Variants in TP63 observed in about 807,000 individuals in gnomAD.
TP63 encodes the protein tumor protein p63, also known as tumor protein 63.
Under a neutral mutation model 82.8 loss-of-function variants are expected in TP63, and 17 were observed. The ratio of observed to expected loss-of-function variants is 0.21; its 90% CI spans 0.14 to 0.31. The LOEUF (loss-of-function observed/expected upper bound fraction) is 0.31. TP63 is among the 10% of genes least tolerant of loss of function. TP63 has a pLI of 1.00. For synonymous variants in TP63, 330 were observed against 321.7 expected (o/e 1.03, Z -0.28); for missense variants, 648 against 895.3 (o/e 0.72, Z 3.52).
chr3:189,683,543 G>A (rs895821443), intron 1 of TP63, among the ~76,000 whole-genome samples: 1 of 152,154 alleles, frequency 6.6e-6, no homozygotes, highest in Non-Finnish European at 1.5e-5. Flanking sequence ...GCAGACACAG[G>A]AAACAGGAAA....
At chr3:189,806,102 CT>C (rs1726872370) in intron 3 of TP63, among the ~76,000 whole-genome samples, 1 of 121,146 alleles carries the variant, frequency 8.3e-6, no homozygotes, top group South Asian at 2.7e-4. Context: ...TTTGTAAGTC[CT>C]TGTTGAATTG....
At chr3:189,886,677 G>T in intron 11 of TP63, 126 bp downstream of exon 11, 1 of 1,364,942 alleles carries the variant, frequency 7.3e-7, no homozygotes, top group South Asian at 1.3e-5. Context: ...AGATCAAAGT[G>T]GAGTGGCTTG....
chr3:189,628,471 G>T (rs546886126), upstream of TP63, among the ~76,000 whole-genome samples: 42 of 152,222 alleles, frequency 2.8e-4, no homozygotes, highest in African/African-American at 9.9e-4. Flanking sequence ...GAAGAACAAA[G>T]TGTCCCTTTC....
chr3:189,841,747 C>T (rs1028862844), intron 4 of TP63, among the ~76,000 whole-genome samples: 3 of 152,176 alleles, frequency 2.0e-5, no homozygotes, highest in African/African-American at 7.2e-5. Context: ...TTTAAGAATT[C>T]TATACTGTGA....
At chr3:189,691,874 G>A (rs79931736) in intron 1 of TP63, among the ~76,000 whole-genome samples, 2,344 of 152,140 alleles carry the variant, frequency 0.015, 53 homozygotes, top group African/African-American at 0.054. Context: ...ATAGAATATC[G>A]TACCTAGAAC....
chr3:189,836,453 A>G (rs1713164222), intron 4 of TP63, among the ~76,000 whole-genome samples: 1 of 152,306 alleles, frequency 6.6e-6, no homozygotes, highest in South Asian at 2.1e-4. Context: ...GGTTGGGCAA[A>G]GCAAAGCGTT....
Position 189,808,141 on chromosome 3 carries a change from T to C in TP63, c.325-131T>C. 3.4e-6 allele frequency: 5 copies of C among 1,484,490 alleles called. No homozygotes were observed. The Admixed American group carries it at 8.7e-5, about 26-fold the overall frequency. 92.0% of individuals were successfully genotyped at this position (1,484,490 alleles called of 1,614,324 possible). On this transcript the variant is annotated intron_variant, in intron 3 of 13. Transcript: ENST00000264731. ...TCTGTTTACCAAAAATCAACGGTTT[T>C]ACTTTGAATGTGAAGTGCTTCCGAC...
At chr3:189,842,766 C>G (rs1489421527) in intron 4 of TP63, among the ~76,000 whole-genome samples, 2 of 152,184 alleles carry the variant, frequency 1.3e-5, no homozygotes, top group East Asian at 1.9e-4. Flanking sequence ...TCATCTCACC[C>G]TGGCCTTTTT....
At chr3:189,649,081 T>C (rs563984207) in intron 1 of TP63, among the ~76,000 whole-genome samples, 1 of 147,492 alleles carries the variant, frequency 6.8e-6, no homozygotes, top group East Asian at 2.3e-4. Flanking sequence ...CAAAAAGTTA[T>C]TCATGCTATT....
chr3:189,605,880 G>A, the TP63 span, among the ~76,000 whole-genome samples: 9 of 152,132 alleles, frequency 5.9e-5, no homozygotes, highest in African/African-American at 2.2e-4. Flanking sequence ...TTATTTACTT[G>A]GGTAAATTTG....
At position 189,890,867 on chromosome 3, in the gene TP63, G is replaced by A; in HGVS notation, c.1731G>A (p.Glu577=). ...TQGLTTIYQI[E]HYSMDDLASL... ...GGCTGACCACCATCTATCAGATTGA[G>A]CATTACTCCATGGATGTAAGTAACT... The change falls in exon 13 of 14, where the codon GAG becomes GAA. Residue 577 remains glutamate, a synonymous_variant. Coordinates refer to ENST00000264731, the MANE Select transcript of TP63 (RefSeq NM_003722.5). The A allele has an allele frequency of 1.2e-6, 2 of 1,613,954 alleles. No individual in the cohort carries two copies. The highest frequency in any genetic ancestry group is 1.7e-6 in the Non-Finnish European group (2 of 1,179,940).
At chr3:189,861,163 A>G (rs1461252240) in intron 4 of TP63, among the ~76,000 whole-genome samples, 1 of 152,028 alleles carries the variant, frequency 6.6e-6, no homozygotes, top group Non-Finnish European at 1.5e-5. Flanking sequence ...CGGCCTCCCA[A>G]AGTGCTGGGA....
At chr3:189,767,954 TTA>T (rs1723070862) in intron 3 of TP63, among the ~76,000 whole-genome samples, 1 of 152,166 alleles carries the variant, frequency 6.6e-6, no homozygotes, top group African/African-American at 2.4e-5. Flanking sequence ...TATTTGATAT[TTA>T]ATCCAGGATT....
chr3:189,856,687 C>T (rs1006069303), intron 4 of TP63, among the ~76,000 whole-genome samples: 12 of 151,954 alleles, frequency 7.9e-5, no homozygotes, highest in African/African-American at 2.9e-4. Context: ...GGTCATTATA[C>T]ATGAATTAAT....
intron 4 of TP63, among the ~76,000 whole-genome samples, chr3:189,863,458 A>G (rs896306804): frequency 6.6e-6 from 1 of 152,162 alleles, no homozygotes; most frequent in East Asian, 1.9e-4. Flanking sequence ...GCCAACTTAC[A>G]AGCAACTAAC....
At chr3:189,875,593 C>CATATATATATATATATATAT (rs774764336) in intron 10 of TP63, among the ~76,000 whole-genome samples, 3 of 40,776 alleles carry the variant, frequency 7.4e-5, no homozygotes, top group Non-Finnish European at 8.9e-5. Flanking sequence ...AAAATACATA[C>CATATATATATATATATATAT]ATATATATAT....
At chr3:189,606,981 C>T in the TP63 span, among the ~76,000 whole-genome samples, 3 of 152,090 alleles carry the variant, frequency 2.0e-5, no homozygotes, top group Non-Finnish European at 4.4e-5. Context: ...TTCATGCTTC[C>T]CTGACTTGCT....
intron 4 of TP63, among the ~76,000 whole-genome samples, chr3:189,841,076 T>C (rs1253500581): frequency 1.3e-5 from 2 of 152,004 alleles, no homozygotes; most frequent in Non-Finnish European, 2.9e-5. Flanking sequence ...CCTTTTCCCA[T>C]CCTAGCATGC....
chr3:189,706,876 G>A (rs1718242340), intron 1 of TP63, among the ~76,000 whole-genome samples: 1 of 151,998 alleles, frequency 6.6e-6, no homozygotes, highest in Non-Finnish European at 1.5e-5. Context: ...AGTCCAAATA[G>A]ACAATCCAAA....
Sources: allele counts gnomAD v4.1 joint callset (sites outside exome capture counted in the v4.1 genomes callset), GRCh38; gene constraint gnomAD v4.1.1; transcripts MANE v1.5; gene names NCBI Gene and HGNC (gene_info 2026-07-23, HGNC 2026-07-21).